Variants in DSCAM observed in about 807,000 individuals in gnomAD.
DSCAM encodes the protein DS cell adhesion molecule, also known as cell adhesion molecule DSCAM.
In DSCAM, 47 loss-of-function variants were observed where a neutral mutation model predicts 217.7. The observed-to-expected ratio is 0.22, with a 90% CI of 0.17 to 0.28. The LOEUF is 0.28. Among genes scored for constraint, DSCAM ranks in the 10% least tolerant of loss-of-function variants. The pLI is 1.00. For missense variants in DSCAM, 2,080 were observed against 2,618.3 expected (o/e 0.79, Z 4.49); for synonymous variants, 1,056 against 1,015.3 (o/e 1.04, Z -0.76).
chr21:40,321,843 C>T (rs959329103), intron 8 of DSCAM, among the ~76,000 whole-genome samples: 8 of 152,142 alleles, frequency 5.3e-5, no homozygotes, highest in African/African-American at 1.7e-4. Context: ...ATGTGAGCAA[C>T]TGCACCTGAC....
At chr21:40,398,312 C>T (rs986754026) in intron 3 of DSCAM, among the ~76,000 whole-genome samples, 4 of 152,210 alleles carry the variant, frequency 2.6e-5, no homozygotes, top group African/African-American at 9.6e-5. Flanking sequence ...CAGATCCTAA[C>T]CTACAGCCCG....
At chr21:40,599,206 TTTATTA>T (rs922101148) in intron 3 of DSCAM, among the ~76,000 whole-genome samples, 14 of 152,178 alleles carry the variant, frequency 9.2e-5, no homozygotes, top group African/African-American at 2.7e-4. Flanking sequence ...AAGGCTTTTT[TTTATTA>T]TTATTATTTT....
chr21:40,274,942 A>T (rs541146425), intron 11 of DSCAM, among the ~76,000 whole-genome samples: 7 of 152,158 alleles, frequency 4.6e-5, no homozygotes, highest in Non-Finnish European at 7.3e-5. Context: ...CACACCCCTG[A>T]ATGCCACTTT....
chr21:40,142,691 G>C lies in DSCAM; in HGVS notation c.3273C>G (p.Pro1091=). 1 of 1,613,870 alleles carries C rather than the reference G, an allele frequency of 6.2e-7. No homozygotes were observed. Among genetic ancestry groups the C allele is most frequent in the Non-Finnish European group, 8.5e-7 (1 of 1,179,890 alleles). Residue 1091 remains proline (P), a synonymous_variant, in exon 18 of 33, where the codon CCC becomes CCG. Coordinates refer to ENST00000400454, the MANE Select transcript of DSCAM (RefSeq NM_001389.5). ...TTTLEDVPSY[P]PENVQAIATS... is the part of the protein sequence containing the mutation. ...TTGCTATGGCTTGGACATTTTCGGG[G>C]GGGTAACTGGGCACTGAAATCAAAT...
intron 3 of DSCAM, among the ~76,000 whole-genome samples, chr21:40,682,661 G>A (rs368287823): frequency 0.024 from 424 of 17,978 alleles, 51 homozygotes; most frequent in South Asian, 0.058. Flanking sequence ...AGGGAAGGGA[G>A]CGGAGGGGGA....
At chr21:40,156,812 C>A (rs890552375) in intron 16 of DSCAM, among the ~76,000 whole-genome samples, 1 of 152,166 alleles carries the variant, frequency 6.6e-6, no homozygotes, top group African/African-American at 2.4e-5. Flanking sequence ...TTCTGTTATG[C>A]ATTAGCAAAG....
At chr21:40,601,352 A>G (rs948978020) in intron 3 of DSCAM, among the ~76,000 whole-genome samples, 1 of 152,182 alleles carries the variant, frequency 6.6e-6, no homozygotes, top group Admixed American at 6.6e-5. Flanking sequence ...TGACTTTCAT[A>G]TATTAGTCTT....
chr21:40,424,177 T>C (rs1478675212), intron 3 of DSCAM, among the ~76,000 whole-genome samples: 1 of 152,248 alleles, frequency 6.6e-6, no homozygotes, highest in Non-Finnish European at 1.5e-5. Context: ...TTCTTTTATT[T>C]TCTAATTTAG....
Position 40,134,015 on chromosome 21 carries a change from G to A in DSCAM, c.3407-6C>T, listed in dbSNP as rs777493335. The A allele has an allele frequency of 3.7e-6, 6 of 1,603,572 alleles. No homozygotes were observed. The highest frequency in any genetic ancestry group is 3.5e-5 in the Admixed American group (2 of 57,690). ...GTTTTTAATCTCACCCAGCTCTGGA[G>A]GACAAGAACAAGAAAACAAAATCCC... On this transcript the variant is annotated splice_polypyrimidine_tract_variant and splice_region_variant and intron_variant, in intron 18 of 32. Coordinates refer to ENST00000400454, the MANE Select transcript of DSCAM (RefSeq NM_001389.5).
chr21:40,795,020 C>T (rs1035236673), intron 1 of DSCAM, among the ~76,000 whole-genome samples: 29 of 151,286 alleles, frequency 1.9e-4, no homozygotes, highest in African/African-American at 7.0e-4. Flanking sequence ...CTTTAACATG[C>T]ACTGTGTCAT....
At chr21:40,358,731 A>C (rs1257194943) in intron 4 of DSCAM, among the ~76,000 whole-genome samples, 1 of 151,130 alleles carries the variant, frequency 6.6e-6, no homozygotes, top group African/African-American at 2.4e-5. Context: ...GAACCCGGGA[A>C]GCGGAGGTTG....
chr21:40,635,455 T>C (rs577556065), intron 3 of DSCAM, among the ~76,000 whole-genome samples: 1 of 152,182 alleles, frequency 6.6e-6, no homozygotes, highest in Non-Finnish European at 1.5e-5. Flanking sequence ...GAAAATAATC[T>C]AGTTAAGAAA....
chr21:40,699,887 AATG>A (rs1177443545), intron 2 of DSCAM, among the ~76,000 whole-genome samples: 1 of 152,210 alleles, frequency 6.6e-6, no homozygotes. Context: ...AGCTAATGTC[AATG>A]ATGAAGGTGG....
At chr21:40,303,585 G>A (rs927355483) in intron 9 of DSCAM, among the ~76,000 whole-genome samples, 6 of 152,048 alleles carry the variant, frequency 3.9e-5, no homozygotes, top group African/African-American at 1.4e-4. Context: ...GAACCTTAAT[G>A]GGCAGAGACT....
At chr21:40,494,811 A>C (rs1220601209) in intron 3 of DSCAM, among the ~76,000 whole-genome samples, 1 of 149,618 alleles carries the variant, frequency 6.7e-6, no homozygotes, top group Non-Finnish European at 1.5e-5. Context: ...AAGATCAACA[A>C]AACTAAAGTT....
chr21:40,048,524 TAAG>T (rs1467244377), intron 30 of DSCAM, among the ~76,000 whole-genome samples: 1 of 152,220 alleles, frequency 6.6e-6, no homozygotes, highest in Non-Finnish European at 1.5e-5. Flanking sequence ...TCCATCCTCA[TAAG>T]AATCTGTTGC....
intron 5 of DSCAM, among the ~76,000 whole-genome samples, chr21:40,352,841 C>A (rs1460805704): frequency 6.6e-6 from 1 of 152,164 alleles, no homozygotes; most frequent in Non-Finnish European, 1.5e-5. Flanking sequence ...CACATCCCTC[C>A]TTCCTCCAAA....
chr21:40,620,214 A>G (rs2089477788), intron 3 of DSCAM, among the ~76,000 whole-genome samples: 2 of 137,644 alleles, frequency 1.5e-5, no homozygotes, highest in African/African-American at 5.9e-5. Context: ...AGAGAAAGAG[A>G]GAGAAAAAAG....
At chr21:40,624,995 A>G (rs2089580747) in intron 3 of DSCAM, among the ~76,000 whole-genome samples, 1 of 152,254 alleles carries the variant, frequency 6.6e-6, no homozygotes, top group African/African-American at 2.4e-5. Flanking sequence ...CTGTGTTGAC[A>G]TAAATAGGTA....
Sources: allele counts gnomAD v4.1 joint callset (sites outside exome capture counted in the v4.1 genomes callset), GRCh38; gene constraint gnomAD v4.1.1; transcripts MANE v1.5; gene names NCBI Gene and HGNC (gene_info 2026-07-23, HGNC 2026-07-21).